CEP120: variants seen among roughly 807,000 people sequenced by gnomAD.
CEP120 encodes the protein centrosomal protein of 120 kDa.
CEP120 carries 113 observed loss-of-function variants against 126.5 expected under a neutral mutation model. The observed-to-expected ratio is 0.89, with a 90% CI of 0.77 to 1.04. The LOEUF (loss-of-function observed/expected upper bound fraction) is 1.04, where lower values mean the gene tolerates loss of function less well. CEP120 is among the 50% of genes least tolerant of loss of function. CEP120 has a pLI of 0.00. For synonymous variants in CEP120, 400 were observed against 394.3 expected (o/e 1.01, Z -0.17); for missense variants, 1,230 against 1,155.7 (o/e 1.06, Z -0.93).
intron 1 of CEP120, among the ~76,000 whole-genome samples, chr5:123,419,618 T>C (rs149561021): frequency 9.2e-5 from 14 of 152,052 alleles, no homozygotes; most frequent in African/African-American, 3.4e-4. Flanking sequence ...GATTCCTTCA[T>C]TCTATTCTCA....
At chr5:123,409,992 CCA>C (rs552203939) in intron 4 of CEP120, among the ~76,000 whole-genome samples, 52 of 83,806 alleles carry the variant, frequency 6.2e-4, no homozygotes, top group South Asian at 9.6e-4. Context: ...AAAAAAAAAA[CCA>C]CACACACACA....
chr5:123,352,348 T>C (rs896465082), intron 18 of CEP120, among the ~76,000 whole-genome samples: 7 of 151,036 alleles, frequency 4.6e-5, no homozygotes, highest in Non-Finnish European at 1.0e-4. Flanking sequence ...ATTTAAGACA[T>C]TTTTTTTGCC....
chr5:123,405,783 C>T (rs533613521), intron 4 of CEP120, among the ~76,000 whole-genome samples: 5 of 151,662 alleles, frequency 3.3e-5, no homozygotes, highest in South Asian at 4.2e-4. Context: ...ACATCATGTC[C>T]GGCTTACAAC....
At chr5:123,410,647 C>A (rs769731512) in intron 4 of CEP120, among the ~76,000 whole-genome samples, 5 of 152,192 alleles carry the variant, frequency 3.3e-5, no homozygotes, top group Non-Finnish European at 5.9e-5. Flanking sequence ...AAAAGTGAGT[C>A]TAGACACAGA....
chr5:123,373,137 G>C lies in CEP120; in HGVS notation c.2359-365C>G, dbSNP rs139613014. Among the ~76,000 whole-genome samples, 378 of 152,138 alleles carry C rather than the reference G, an allele frequency of 2.5e-3. 4 individuals carry two copies. The highest frequency in any genetic ancestry group is 8.7e-3 in the African/African-American group (361 of 41,522). ...ATTCAGCAAGAGACCACCAGAAGCA[G>C]AGAGGAACAAACACATTTCAACACT... On this transcript the variant is annotated intron_variant, in intron 16 of 19. Transcript: ENST00000306467.
intron 11 of CEP120, 65 bp downstream of exon 11, chr5:123,384,886 G>A (rs1175832175): frequency 7.2e-7 from 1 of 1,380,214 alleles, no homozygotes; most frequent in East Asian, 2.4e-5. Flanking sequence ...AGTGGTGGCT[G>A]ACTAATCAAA....
rs144591092 is a variant in CEP120 at position 123,405,079 on chromosome 5, A to C, written c.464-5795T>G. Reference sequence around the variant, plus strand: ...AAATAAAAAGTTGAACAAACTAAAAATTAACAACTCTCCATAGATCTGTCA... The same window carrying C: ...AAATAAAAAGTTGAACAAACTAAAACTTAACAACTCTCCATAGATCTGTCA... On this transcript the variant is annotated intron_variant, in intron 4 of 19. Coordinates refer to ENST00000306467, the MANE Select transcript of CEP120 (RefSeq NM_001375405.1). Among the ~76,000 whole-genome samples, 153 of 152,354 alleles carry C rather than the reference A, an allele frequency of 1.0e-3. 1 individual carries two copies. Among genetic ancestry groups the C allele is most frequent in the African/African-American group, 3.6e-3 (150 of 41,582 alleles).
Position 123,372,792 on chromosome 5 carries a change from G to A in CEP120, c.2359-20C>T, listed in dbSNP as rs1397372716. The stretch of plus-strand genomic sequence containing the variant: ...ATTAAGCTGTATTAAAAAAAGTTTA[G>A]CCATTTCAAAACAATGATATGCAAA... On this transcript the variant is annotated intron_variant, in intron 16 of 19. Transcript: ENST00000306467. The A allele has an allele frequency of 6.4e-7, 1 of 1,568,210 alleles. No individual in the cohort carries two copies. The highest frequency in any genetic ancestry group is 8.7e-7 in the Non-Finnish European group (1 of 1,156,054).
chr5:123,407,553 A>G (rs1391398211), intron 4 of CEP120, among the ~76,000 whole-genome samples: 2 of 152,172 alleles, frequency 1.3e-5, no homozygotes, highest in Non-Finnish European at 2.9e-5. Flanking sequence ...TTTAACGTGA[A>G]TGCACCTAAC....
intron 16 of CEP120, among the ~76,000 whole-genome samples, chr5:123,376,231 G>A (rs952455295): frequency 6.6e-6 from 1 of 152,096 alleles, no homozygotes; most frequent in African/African-American, 2.4e-5. Context: ...GACTTGAGGA[G>A]GATGAATTAG....
chr5:123,423,129 C>T lies in CEP120; in HGVS notation c.-131G>A, dbSNP rs1280488696. On this transcript the variant is annotated 5_prime_UTR_variant, in exon 1 of 20. Transcript: ENST00000306467. ...GGTCCCTGATGCCCGGACCCCGCTC[C>T]GCAGCCAGGTCCCACCGCCGTCTGC... is the stretch of plus-strand genomic sequence containing the variant. 2.7e-6 allele frequency: 2 copies of T among 736,672 alleles called. No homozygotes were observed. The highest frequency in any genetic ancestry group is 1.7e-5 in the African/African-American group (1 of 57,824). The allele number at this position is 736,672 out of a possible 1,614,324, so 45.6% of individuals were successfully genotyped here. A position where few individuals can be genotyped will look rare whatever the true frequency, so the allele number is the denominator to read the frequency against.
intron 4 of CEP120, among the ~76,000 whole-genome samples, chr5:123,400,304 G>C (rs892222092): frequency 6.6e-6 from 1 of 151,146 alleles, no homozygotes; most frequent in Non-Finnish European, 1.5e-5. Context: ...TTTTTTTCTA[G>C]AAAGCTTTTA....
rs2127055990 is a variant in CEP120, at chr5:123,385,029, G to GT, written c.1684dup (p.Thr562AsnfsTer7). ...TTCACCATTAGAACCTAAAAAACGAGTTTTTTCTGAAGACAAGATGTTAGA... is the reference window on the plus strand; with the variant it reads ...TTCACCATTAGAACCTAAAAAACGAGTTTTTTTCTGAAGACAAGATGTTAGA... On this transcript the variant is annotated frameshift_variant, in exon 11 of 20. Coordinates refer to ENST00000306467, the MANE Select transcript of CEP120 (RefSeq NM_001375405.1). LOFTEE classifies it high-confidence loss of function. The GT allele has an allele frequency of 1.2e-6, 2 of 1,613,718 alleles. No individual in the cohort carries two copies. The highest frequency in any genetic ancestry group is 1.7e-6 in the Non-Finnish European group (2 of 1,179,792).
chr5:123,356,754 CT>C (rs1769662918), intron 18 of CEP120, among the ~76,000 whole-genome samples: 1 of 151,998 alleles, frequency 6.6e-6, no homozygotes, highest in Non-Finnish European at 1.5e-5. Context: ...AAACATTTCA[CT>C]CTCTCTCTTT....
rs1771324043 is a variant in CEP120, at chr5:123,377,525, T to C, written c.2207A>G (p.Glu736Gly). 1 of 1,583,462 alleles carries C rather than the reference T, an allele frequency of 6.3e-7. No individual in the cohort carries two copies. Among genetic ancestry groups the C allele is most frequent in the Non-Finnish European group, 8.5e-7 (1 of 1,172,648 alleles). Residue 736 changes from glutamate to glycine, a missense_variant, in exon 16 of 20, where the codon GAA becomes GGA. Transcript: ENST00000306467. ...ACGTTCTGATTGCAGTTCCTTTTTTTCTCTTTGAAGCTTAAAACAAAGGCA... is the reference window on the plus strand; with the variant it reads ...ACGTTCTGATTGCAGTTCCTTTTTTCCTCTTTGAAGCTTAAAACAAAGGCA... ...LASVESELQR[E>G]KKELQSERQR...
At chr5:123,378,541 G>A in intron 14 of CEP120, 113 bp from the exon 15 acceptor site, 1 of 526,414 alleles carries the variant, frequency 1.9e-6, no homozygotes, top group Non-Finnish European at 3.1e-6. Context: ...CCTAAGAATA[G>A]GAAAGTCACA....
At chr5:123,416,503 G>A (rs891116746) in intron 2 of CEP120, among the ~76,000 whole-genome samples, 4 of 151,952 alleles carry the variant, frequency 2.6e-5, no homozygotes, top group South Asian at 2.1e-4. Context: ...CCTGGGAGGC[G>A]GAGGTTGCAG....
At chr5:123,405,220 G>C (rs949883775) in intron 4 of CEP120, among the ~76,000 whole-genome samples, 1 of 152,142 alleles carries the variant, frequency 6.6e-6, no homozygotes, top group Non-Finnish European at 1.5e-5. Flanking sequence ...AGGAAAACGT[G>C]AACTGGGATG....
intron 3 of CEP120, among the ~76,000 whole-genome samples, chr5:123,413,412 A>G (rs959309820): frequency 2.6e-5 from 4 of 152,186 alleles, no homozygotes; most frequent in African/African-American, 9.6e-5. Context: ...TACTTGACTG[A>G]TACTCGAACA....
Sources: gnomAD v4.1 joint callset for allele counts (sites outside exome capture counted in the v4.1 genomes callset) on GRCh38, gnomAD v4.1.1 for gene constraint, MANE v1.5 for transcripts, NCBI Gene and HGNC (gene_info 2026-07-23, HGNC 2026-07-21) for gene names.